Variants in ARHGAP42 observed in about 807,000 individuals in gnomAD.
The protein encoded by ARHGAP42 is rho GTPase-activating protein 42.
Under a neutral mutation model 125.0 loss-of-function variants are expected in ARHGAP42, and 63 were observed. The observed-to-expected ratio is 0.50, with a 90% CI of 0.41 to 0.62. ARHGAP42 has a LOEUF of 0.62. ARHGAP42 is among the 20% of genes least tolerant of loss of function. The pLI is 0.00. For synonymous variants in ARHGAP42, 339 were observed against 351.0 expected (o/e 0.97, Z 0.38); for missense variants, 766 against 1,024.2 (o/e 0.75, Z 3.44).
chr11:100,961,555 T>C (rs1565296097), intron 14 of ARHGAP42, 129 bp from the exon 15 acceptor site: 10 of 728,392 alleles, frequency 1.4e-5, no homozygotes, highest in Non-Finnish European at 2.3e-5. Context: ...GTACTAATGT[T>C]AACTCTTGGC....
At chr11:100,895,823 G>A (rs1158382998) in intron 4 of ARHGAP42, among the ~76,000 whole-genome samples, 1 of 151,896 alleles carries the variant, frequency 6.6e-6, no homozygotes, top group Non-Finnish European at 1.5e-5. Context: ...TCTGTCAAAT[G>A]GGTGTTCTTT....
intron 3 of ARHGAP42, among the ~76,000 whole-genome samples, chr11:100,806,829 G>GTTTATTTA (rs1307072666): frequency 5.2e-5 from 6 of 115,464 alleles, no homozygotes; most frequent in East Asian, 3.1e-4. Flanking sequence ...TTATTTGTTT[G>GTTTATTTA]TTTGTTTGTT....
intron 1 of ARHGAP42, among the ~76,000 whole-genome samples, chr11:100,743,918 C>G (rs1370643700): frequency 6.6e-6 from 1 of 152,118 alleles, no homozygotes; most frequent in Admixed American, 6.6e-5. Flanking sequence ...TCTTTCATTT[C>G]CAGAAGTTCT....
Position 100,723,465 on chromosome 11 carries a change from T to A in ARHGAP42, c.154+35633T>A, listed in dbSNP as rs7129287. On this transcript the variant is annotated intron_variant, in intron 1 of 23. Transcript: ENST00000298815. ...TTTAAAAATTTTCTTTCATCAGAGG[T>A]TTCCTCATATAGATCTTAGATATAT... is the stretch of plus-strand genomic sequence containing the variant. 5.8e-3 allele frequency among the ~76,000 whole-genome samples: 876 copies of A among 152,260 alleles called. 6 individuals are homozygous for A. Among genetic ancestry groups the A allele is most frequent in the Middle Eastern group, 0.02 (6 of 294 alleles).
intron 1 of ARHGAP42, among the ~76,000 whole-genome samples, chr11:100,692,259 T>A (rs991908498): frequency 2.0e-5 from 3 of 148,522 alleles, no homozygotes. Context: ...ATACATTTAA[T>A]TATTTATTGT....
chr11:100,701,734 T>G (rs1229042944), intron 1 of ARHGAP42, among the ~76,000 whole-genome samples: 1 of 152,246 alleles, frequency 6.6e-6, no homozygotes, highest in Non-Finnish European at 1.5e-5. Flanking sequence ...TGTGGCTGGT[T>G]TCATCTTCTC....
chr11:100,704,787 G>A (rs1403668923), intron 1 of ARHGAP42, among the ~76,000 whole-genome samples: 8 of 150,674 alleles, frequency 5.3e-5, no homozygotes, highest in Admixed American at 5.3e-4. Context: ...AAGAATCCCC[G>A]CCCCCGCCGC....
intron 21 of ARHGAP42, 56 bp downstream of exon 21, chr11:100,977,027 G>A (rs1858411839): frequency 7.8e-6 from 12 of 1,538,230 alleles, no homozygotes; most frequent in Non-Finnish European, 7.9e-6. Context: ...GAGGAGTTGA[G>A]TGTTTCAGAA....
At chr11:100,772,591 C>T (rs1421416778) in intron 2 of ARHGAP42, among the ~76,000 whole-genome samples, 1 of 152,126 alleles carries the variant, frequency 6.6e-6, no homozygotes, top group East Asian at 1.9e-4. Flanking sequence ...TGACTTCTTC[C>T]TCCTCACAGC....
chr11:100,781,933 A>ATT (rs5794067), intron 2 of ARHGAP42, among the ~76,000 whole-genome samples: 5,006 of 144,226 alleles, frequency 0.035, 91 homozygotes, highest in African/African-American at 0.043. Context: ...CCACCACGAG[A>ATT]TTTTTTTTTT....
At chr11:100,785,348 CTT>C (rs1863407414) in intron 2 of ARHGAP42, among the ~76,000 whole-genome samples, 1 of 152,106 alleles carries the variant, frequency 6.6e-6, no homozygotes, top group African/African-American at 2.4e-5. Context: ...GGGCTGGGTT[CTT>C]GGTAGAAAGA....
intron 1 of ARHGAP42, among the ~76,000 whole-genome samples, chr11:100,723,271 C>G (rs1252333148): frequency 6.6e-6 from 1 of 152,134 alleles, no homozygotes; most frequent in Non-Finnish European, 1.5e-5. Flanking sequence ...GCATCCTTCG[C>G]CTTTCAGTAA....
At chr11:100,862,198 A>G (rs190950387) in intron 4 of ARHGAP42, among the ~76,000 whole-genome samples, 1 of 152,260 alleles carries the variant, frequency 6.6e-6, no homozygotes, top group East Asian at 1.9e-4. Flanking sequence ...GAGGAAAATG[A>G]TGGGGTGACT....
intron 3 of ARHGAP42, among the ~76,000 whole-genome samples, chr11:100,799,486 G>GT (rs1324641653): frequency 2.6e-5 from 4 of 152,200 alleles, no homozygotes; most frequent in African/African-American, 9.6e-5. Flanking sequence ...TATGTGAACT[G>GT]TATCAAAGAA....
In ARHGAP42 at chr11:100,699,480, G is replaced by A. The variant is rs1236000843; in HGVS notation, c.154+11648G>A. Among the ~76,000 whole-genome samples, 294 of 41,524 alleles carry A rather than the reference G, an allele frequency of 7.1e-3. 2 individuals are homozygous for A. The highest frequency in any genetic ancestry group is 0.022 in the African/African-American group (282 of 12,692). The allele number at this position is 41,524 out of a possible 152,430, so 27.2% of individuals were successfully genotyped here. A position where few individuals can be genotyped will look rare whatever the true frequency, so the allele number is the denominator to read the frequency against. On this transcript the variant is annotated intron_variant, in intron 1 of 23. Coordinates refer to ENST00000298815, the MANE Select transcript of ARHGAP42 (RefSeq NM_152432.4). Reference sequence around the variant, plus strand: ...AGCTTAAAACAACAAATTTATTCATGTATATATATATATATATATATATAT... The same window carrying A: ...AGCTTAAAACAACAAATTTATTCATATATATATATATATATATATATATAT...
intron 1 of ARHGAP42, among the ~76,000 whole-genome samples, chr11:100,736,448 A>G (rs575564581): frequency 6.6e-6 from 1 of 152,302 alleles, no homozygotes; most frequent in South Asian, 2.1e-4. Flanking sequence ...GGGCACACAG[A>G]AAATGCCTGG....
At position 100,976,502 on chromosome 11, in the gene ARHGAP42, G is replaced by A. The variant is rs1241727036; in HGVS notation, c.2236+65G>A. ...AGTGTCACTTGTGCTGGATTATTCAGCATGGTTAAGCAGGGATAAAGTTAA... is the reference window on the plus strand; with the variant it reads ...AGTGTCACTTGTGCTGGATTATTCAACATGGTTAAGCAGGGATAAAGTTAA... On this transcript the variant is annotated intron_variant, in intron 20 of 23. Transcript: ENST00000298815. The A allele has an allele frequency of 4.8e-6, 7 of 1,456,162 alleles. No homozygotes were observed. The Admixed American group carries it at 1.7e-4, about 35-fold the overall frequency. The allele number at this position is 1,456,162 out of a possible 1,614,324, so 90.2% of individuals were successfully genotyped here.
chr11:100,863,444 A>G (rs1865496635), intron 4 of ARHGAP42, among the ~76,000 whole-genome samples: 1 of 152,178 alleles, frequency 6.6e-6, no homozygotes, highest in Non-Finnish European at 1.5e-5. Context: ...CAACCAGATG[A>G]TACTACTTAA....
intron 1 of ARHGAP42, among the ~76,000 whole-genome samples, chr11:100,769,270 A>T (rs1386341507): frequency 6.6e-6 from 1 of 152,134 alleles, no homozygotes; most frequent in Non-Finnish European, 1.5e-5. Context: ...GGCCCAGAGG[A>T]GTTAAATAAT....
Sources: allele counts gnomAD v4.1 joint callset (sites outside exome capture counted in the v4.1 genomes callset), GRCh38; gene constraint gnomAD v4.1.1; transcripts MANE v1.5; gene names NCBI Gene and HGNC (gene_info 2026-07-23, HGNC 2026-07-21).